Variants in ERAP1 observed in about 807,000 individuals in gnomAD.
ERAP1 encodes the protein endoplasmic reticulum aminopeptidase 1, also known as adipocyte-derived leucine aminopeptidase.
ERAP1 carries 86 observed loss-of-function variants against 103.7 expected under a neutral mutation model. That is an observed-to-expected ratio of 0.83 (90% confidence interval 0.70 to 0.99). The LOEUF is 0.99. Ranked by LOEUF, ERAP1 falls within the 50% of genes least tolerant of loss-of-function variation. The pLI is 0.00. For missense variants in ERAP1, 1,009 were observed against 1,128.4 expected (o/e 0.89, Z 1.52); for synonymous variants, 398 against 402.4 (o/e 0.99, Z 0.13).
At chr5:96,894,902 T>C in the ERAP1 span, among the ~76,000 whole-genome samples, 2 of 152,122 alleles carry the variant, frequency 1.3e-5, no homozygotes, top group Non-Finnish European at 2.9e-5. Flanking sequence ...ATTGTTCTTA[T>C]TGGGCAGGAA....
At chr5:96,850,214 C>T in the ERAP1 span, among the ~76,000 whole-genome samples, 3 of 152,120 alleles carry the variant, frequency 2.0e-5, no homozygotes, top group South Asian at 6.2e-4. Context: ...ACTCCAAAGG[C>T]ACAGGTAATA....
chr5:96,889,288 A>G, the ERAP1 span: 2 of 1,613,878 alleles, frequency 1.2e-6, no homozygotes, highest in South Asian at 1.1e-5. Context: ...GATATCTACT[A>G]TCCACTCTCC....
chr5:96,935,445 T>C, the ERAP1 span: 2 of 152,462 alleles, frequency 1.3e-5, no homozygotes, highest in Non-Finnish European at 2.9e-5. Flanking sequence ...GCTCCCTCGG[T>C]CCTTCGAGCA....
downstream of ERAP1, chr5:96,769,857 T>TTAC (rs1352304259): frequency 6.7e-6 from 1 of 149,548 alleles, no homozygotes; most frequent in African/African-American, 2.5e-5. Flanking sequence ...TTATATCATC[T>TTAC]AGTATAAGGT....
the ERAP1 span, among the ~76,000 whole-genome samples, chr5:96,870,379 C>T: frequency 6.6e-6 from 1 of 152,202 alleles, no homozygotes; most frequent in Non-Finnish European, 1.5e-5. Context: ...AATGACCAAA[C>T]ATCTTCAGGT....
the ERAP1 span, among the ~76,000 whole-genome samples, chr5:96,899,797 A>G: frequency 6.6e-6 from 1 of 152,214 alleles, no homozygotes; most frequent in Non-Finnish European, 1.5e-5. Flanking sequence ...TGAAATAATA[A>G]AATAGGACCT....
chr5:96,814,861 A>G, the ERAP1 span, among the ~76,000 whole-genome samples: 2 of 152,244 alleles, frequency 1.3e-5, no homozygotes, highest in Non-Finnish European at 2.9e-5. Flanking sequence ...GACAAAGGAA[A>G]AGGTGTCCTT....
chr5:96,766,440 T>C (rs1005420225), intron 19 of ERAP1, among the ~76,000 whole-genome samples: 1 of 152,134 alleles, frequency 6.6e-6, no homozygotes, highest in Non-Finnish European at 1.5e-5. Context: ...GAAAAGGCTA[T>C]AAAAATGACT....
chr5:96,912,502 G>A, the ERAP1 span: 1 of 536,966 alleles, frequency 1.9e-6, no homozygotes, highest in South Asian at 3.1e-5. Context: ...TAAGAGTTCG[G>A]CAGAGAAAAA....
the ERAP1 span, among the ~76,000 whole-genome samples, chr5:96,846,656 G>A: frequency 6.6e-6 from 1 of 152,122 alleles, no homozygotes; most frequent in South Asian, 2.1e-4. Context: ...CTGCTGGTCT[G>A]GGGATCACAT....
rs145252046 is a variant in ERAP1, at chr5:96,765,525, G to T, written c.2819-2297C>A. On this transcript the variant is annotated intron_variant, in intron 19 of 19. Transcript: ENST00000296754. ...AATCTGTGACAGAGATACCAGCGGA[G>T]CCTCCCTGAGGGGATTCTGGGAGGT... is the stretch of plus-strand genomic sequence containing the variant. Among the ~76,000 whole-genome samples, 301 of 152,198 alleles carry T rather than the reference G, an allele frequency of 2.0e-3. 10 individuals are homozygous for T. In the East Asian group the frequency reaches 0.052, roughly 26 times the overall value.
At chr5:96,914,146 T>TCACACACACACACACACA in the ERAP1 span, among the ~76,000 whole-genome samples, 30 of 104,720 alleles carry the variant, frequency 2.9e-4, no homozygotes, top group African/African-American at 1.1e-3. Context: ...TCTCTCTCTC[T>TCACACACACACACACACA]CTCACACACA....
At chr5:96,860,152 C>T in the ERAP1 span, among the ~76,000 whole-genome samples, 2 of 152,102 alleles carry the variant, frequency 1.3e-5, no homozygotes, top group Non-Finnish European at 2.9e-5. Flanking sequence ...ACCTCTGTCT[C>T]GAGCAATTCT....
chr5:96,893,364 A>G, the ERAP1 span, among the ~76,000 whole-genome samples: 1 of 152,204 alleles, frequency 6.6e-6, no homozygotes, highest in African/African-American at 2.4e-5. Flanking sequence ...TCGTCACCAC[A>G]ATAATGAGCT....
rs191516436 is a variant in ERAP1, at chr5:96,783,308, G to T, written c.2101-73C>A. 10 of 1,401,182 alleles carry T rather than the reference G, an allele frequency of 7.1e-6. No homozygotes were observed. In the Admixed American group the frequency reaches 2.1e-4, roughly 30 times the overall value. 86.8% of individuals were successfully genotyped at this position (1,401,182 alleles called of 1,614,324 possible). On this transcript the variant is annotated intron_variant, in intron 14 of 18. Transcript: ENST00000443439. ...TTTCATGTTAATATAATCCATTATGGTCTCAGATGATGGGGGCTAATTTTT... is the reference window on the plus strand; with the variant it reads ...TTTCATGTTAATATAATCCATTATGTTCTCAGATGATGGGGGCTAATTTTT...
intron 11 of ERAP1, among the ~76,000 whole-genome samples, chr5:96,787,798 G>A (rs1364916881): frequency 1.7e-5 from 2 of 115,434 alleles, no homozygotes; most frequent in Non-Finnish European, 3.7e-5. Context: ...ATATATATAT[G>A]TGTGTGTATA....
intron 11 of ERAP1, among the ~76,000 whole-genome samples, chr5:96,786,943 CA>C (rs1319536552): frequency 6.6e-6 from 1 of 152,104 alleles, no homozygotes; most frequent in Non-Finnish European, 1.5e-5. Flanking sequence ...CATGGAGAAA[CA>C]GCAGAAAATC....
chr5:96,793,728 A>G, intron 6 of ERAP1, 75 bp downstream of exon 6: 2 of 1,352,448 alleles, frequency 1.5e-6, no homozygotes, highest in South Asian at 1.4e-5. Flanking sequence ...AAAATTATAT[A>G]AATAGCCTTA....
chr5:96,821,023 C>G, the ERAP1 span, among the ~76,000 whole-genome samples: 45 of 152,300 alleles, frequency 3.0e-4, no homozygotes, highest in African/African-American at 1.1e-3. Flanking sequence ...TTTGCTGATA[C>G]AATTGTGGGG....
Sources: allele counts gnomAD v4.1 joint callset (sites outside exome capture counted in the v4.1 genomes callset), GRCh38; gene constraint gnomAD v4.1.1; transcripts MANE v1.5; gene names NCBI Gene and HGNC (gene_info 2026-07-23, HGNC 2026-07-21).